Variants in SSBP2 observed in about 807,000 individuals in gnomAD.
SSBP2 encodes the protein single stranded DNA binding protein 2, also known as single-stranded DNA-binding protein 2.
SSBP2 carries 17 observed loss-of-function variants against 61.8 expected under a neutral mutation model. The ratio of observed to expected loss-of-function variants is 0.28; its 90% CI spans 0.19 to 0.41. The LOEUF is 0.41. SSBP2 is among the 10% of genes least tolerant of loss of function. SSBP2 has a pLI of 1.00. For missense variants in SSBP2, 310 were observed against 458.7 expected (o/e 0.68, Z 2.96); for synonymous variants, 139 against 141.3 (o/e 0.98, Z 0.12).
chr5:81,670,277 T>C (rs923009132), intron 1 of SSBP2, among the ~76,000 whole-genome samples: 1 of 152,178 alleles, frequency 6.6e-6, no homozygotes, highest in African/African-American at 2.4e-5. Context: ...AGAAAGAATA[T>C]GGGAAATCTC....
chr5:81,513,159 A>G (rs1397813903), intron 5 of SSBP2, among the ~76,000 whole-genome samples: 1 of 152,100 alleles, frequency 6.6e-6, no homozygotes, highest in East Asian at 1.9e-4. Flanking sequence ...TAAAAATTCC[A>G]GCTTAAAAGC....
intron 5 of SSBP2, among the ~76,000 whole-genome samples, chr5:81,492,748 T>C (rs1377184700): frequency 6.6e-6 from 1 of 152,170 alleles, no homozygotes; most frequent in African/African-American, 2.4e-5. Flanking sequence ...TTAGTTTCTG[T>C]ACCTCTATTA....
intron 1 of SSBP2, among the ~76,000 whole-genome samples, chr5:81,656,622 T>A (rs1750239778): frequency 6.6e-6 from 1 of 151,754 alleles, no homozygotes; most frequent in Non-Finnish European, 1.5e-5. Flanking sequence ...TAAAATGACA[T>A]GTATATGAAG....
At chr5:81,506,905 C>A (rs1768222329) in intron 5 of SSBP2, among the ~76,000 whole-genome samples, 1 of 151,528 alleles carries the variant, frequency 6.6e-6, no homozygotes, top group East Asian at 1.9e-4. Flanking sequence ...TTGATTTTTT[C>A]TTTTAAAATA....
intron 14 of SSBP2, among the ~76,000 whole-genome samples, chr5:81,438,358 A>G (rs1762804046): frequency 6.6e-6 from 1 of 152,046 alleles, no homozygotes; most frequent in African/African-American, 2.4e-5. Context: ...CAAAAAAAAA[A>G]AAAAAAAGAA....
chr5:81,638,120 G>A (rs1456540955), intron 2 of SSBP2, among the ~76,000 whole-genome samples: 1 of 147,564 alleles, frequency 6.8e-6, no homozygotes, highest in Admixed American at 6.8e-5. Context: ...GGGGGAGGGG[G>A]GAGAGATAGC....
At chr5:81,665,409 A>G (rs1272318236) in intron 1 of SSBP2, among the ~76,000 whole-genome samples, 1 of 152,208 alleles carries the variant, frequency 6.6e-6, no homozygotes, top group African/African-American at 2.4e-5. Flanking sequence ...CCTATCCTAC[A>G]CCCTTAAATC....
At chr5:81,708,638 A>C (rs1466531295) in intron 1 of SSBP2, among the ~76,000 whole-genome samples, 1 of 146,880 alleles carries the variant, frequency 6.8e-6, no homozygotes, top group African/African-American at 2.5e-5. Context: ...TTTTCATCAG[A>C]GACAACCAGA....
intron 1 of SSBP2, among the ~76,000 whole-genome samples, chr5:81,659,684 C>CA (rs1190877242): frequency 1.3e-5 from 2 of 151,752 alleles, no homozygotes; most frequent in African/African-American, 4.8e-5. Flanking sequence ...TATATGGAAC[C>CA]AAAAAAAGAG....
intron 1 of SSBP2, among the ~76,000 whole-genome samples, chr5:81,680,542 C>A (rs1752309081): frequency 6.6e-6 from 1 of 151,738 alleles, no homozygotes; most frequent in Non-Finnish European, 1.5e-5. Flanking sequence ...ATAAAAGACA[C>A]CCATAGTTTA....
intron 11 of SSBP2, 43 bp downstream of exon 11, chr5:81,448,747 G>A (rs1763569874): frequency 1.9e-6 from 3 of 1,579,340 alleles, no homozygotes; most frequent in Non-Finnish European, 2.6e-6. Flanking sequence ...CAAATAAAAT[G>A]TAACATCAAT....
chr5:81,599,492 C>A (rs1744128435), intron 4 of SSBP2, among the ~76,000 whole-genome samples: 1 of 152,172 alleles, frequency 6.6e-6, no homozygotes, highest in African/African-American at 2.4e-5. Context: ...TTGGAAACAA[C>A]AGACAGTAGT....
chr5:81,502,977 A>G (rs1216053380), intron 5 of SSBP2, among the ~76,000 whole-genome samples: 7 of 152,206 alleles, frequency 4.6e-5, no homozygotes, highest in African/African-American at 1.4e-4. Flanking sequence ...CAAGATTACA[A>G]TGAAAAACAA....
At chr5:81,622,627 A>C (rs943616477) in intron 3 of SSBP2, among the ~76,000 whole-genome samples, 1 of 152,256 alleles carries the variant, frequency 6.6e-6, no homozygotes, top group Non-Finnish European at 1.5e-5. Context: ...CATCAACACT[A>C]TAATTAGTTT....
chr5:81,706,163 G>A (rs1483582007), intron 1 of SSBP2, among the ~76,000 whole-genome samples: 1 of 152,096 alleles, frequency 6.6e-6, no homozygotes, highest in Non-Finnish European at 1.5e-5. Flanking sequence ...AAAAGAGAAC[G>A]AAATCAAGTC....
intron 4 of SSBP2, among the ~76,000 whole-genome samples, chr5:81,584,727 TA>T (rs1774932713): frequency 6.6e-6 from 1 of 152,116 alleles, no homozygotes; most frequent in Admixed American, 6.5e-5. Flanking sequence ...TTAAGTAAGG[TA>T]GCAGAAGAAT....
intron 10 of SSBP2, among the ~76,000 whole-genome samples, chr5:81,449,577 TA>T (rs1482497448): frequency 6.6e-6 from 1 of 152,158 alleles, no homozygotes; most frequent in Admixed American, 6.5e-5. Context: ...AGGGCCAGAA[TA>T]GGACCTTTAC....
At chr5:81,459,442 A>T (rs1764391215) in intron 10 of SSBP2, among the ~76,000 whole-genome samples, 1 of 152,130 alleles carries the variant, frequency 6.6e-6, no homozygotes, top group South Asian at 2.1e-4. Flanking sequence ...GGTGGGTGTG[A>T]ATTGTACTCT....
At chr5:81,507,115 GA>G (rs1768240042) in intron 5 of SSBP2, among the ~76,000 whole-genome samples, 1 of 151,980 alleles carries the variant, frequency 6.6e-6, no homozygotes, top group South Asian at 2.1e-4. Flanking sequence ...AGAAAGTCTA[GA>G]AAAAGGCCCT....
Sources: gnomAD v4.1 joint callset for allele counts (sites outside exome capture counted in the v4.1 genomes callset) on GRCh38, gnomAD v4.1.1 for gene constraint, MANE v1.5 for transcripts, NCBI Gene and HGNC (gene_info 2026-07-23, HGNC 2026-07-21) for gene names.